DAB1: variants seen among roughly 807,000 people sequenced by gnomAD.
DAB1 encodes disabled homolog 1.
In DAB1, 15 loss-of-function variants were observed where a neutral mutation model predicts 64.6. The observed-to-expected ratio is 0.23, with a 90% CI of 0.16 to 0.36. DAB1 has a LOEUF of 0.36. Ranked by LOEUF, DAB1 falls within the 10% of genes least tolerant of loss-of-function variation. The pLI, the probability that DAB1 is intolerant of heterozygous loss-of-function variation, is 1.00. For synonymous variants in DAB1, 235 were observed against 251.9 expected, an observed-to-expected ratio of 0.93 and a Z score of 0.64; for missense variants, 596 against 706.7, an observed-to-expected ratio of 0.84 and a Z score of 1.78.
intron 1 of DAB1, among the ~76,000 whole-genome samples, chr1:57,299,147 G>C (rs901937933): frequency 1.3e-5 from 2 of 152,140 alleles, no homozygotes; most frequent in African/African-American, 4.8e-5. Context: ...TATGAACAAG[G>C]CATATTTTCT....
intron 4 of DAB1, among the ~76,000 whole-genome samples, chr1:58,301,644 C>A (rs1662172872): frequency 1.3e-5 from 2 of 152,096 alleles, no homozygotes. Context: ...ATCTTTAAGA[C>A]CTTAATTGTC....
Position 58,013,688 on chromosome 1 carries a change from G to A in DAB1, n.388-129526C>T, listed in dbSNP as rs148936743. Among the ~76,000 whole-genome samples, 568 of 152,162 alleles carry A rather than the reference G, an allele frequency of 3.7e-3. 2 individuals are homozygous for A. Among genetic ancestry groups the A allele is most frequent in the Non-Finnish European group, 5.8e-3 (392 of 68,010 alleles). On this transcript the variant is annotated intron_variant and non_coding_transcript_variant, in intron 5 of 20. Transcript: ENST00000485760. The stretch of plus-strand genomic sequence containing the variant: ...TGGTCCCATTGCATCCATTTTACTT[G>A]AATAATATGAATAATAACCAGTGGT...
chr1:57,087,080 C>T (rs993385283), intron 4 of DAB1, among the ~76,000 whole-genome samples: 1 of 152,142 alleles, frequency 6.6e-6, no homozygotes, highest in African/African-American at 2.4e-5. Context: ...CAGCAAGAAC[C>T]CTGGGCACAG....
chr1:57,349,377 C>T (rs1390537553), intron 1 of DAB1, among the ~76,000 whole-genome samples: 1 of 151,946 alleles, frequency 6.6e-6, no homozygotes, highest in Non-Finnish European at 1.5e-5. Flanking sequence ...GTGGCAGGGT[C>T]CTTAGCACCC....
chr1:57,547,335 A>G (rs1644867526), intron 7 of DAB1, among the ~76,000 whole-genome samples: 1 of 152,208 alleles, frequency 6.6e-6, no homozygotes, highest in South Asian at 2.1e-4. Context: ...TCTTTAAAAG[A>G]GTACCTAAAA....
intron 1 of DAB1, among the ~76,000 whole-genome samples, chr1:57,338,135 C>T (rs1000749438): frequency 2.6e-5 from 4 of 152,074 alleles, no homozygotes; most frequent in African/African-American, 9.7e-5. Flanking sequence ...TAGGCACACA[C>T]CACCACACCT....
At chr1:58,439,360 T>A (rs1253148001) in intron 3 of DAB1, among the ~76,000 whole-genome samples, 1 of 152,166 alleles carries the variant, frequency 6.6e-6, no homozygotes, top group Non-Finnish European at 1.5e-5. Context: ...CTTCTTGGTT[T>A]CATTGTTCAT....
chr1:57,827,167 CT>C (rs1039728644), intron 1 of DAB1, among the ~76,000 whole-genome samples: 2 of 152,098 alleles, frequency 1.3e-5, no homozygotes, highest in Non-Finnish European at 2.9e-5. Flanking sequence ...TTTTGATTCC[CT>C]TTTTTTATTT....
At chr1:57,516,437 A>G (rs765812898) in intron 7 of DAB1, among the ~76,000 whole-genome samples, 11 of 152,216 alleles carry the variant, frequency 7.2e-5, no homozygotes, top group Non-Finnish European at 1.6e-4. Flanking sequence ...AGGAATGTGT[A>G]TTTACACCCC....
chr1:57,538,983 G>A (rs543942348), intron 7 of DAB1, among the ~76,000 whole-genome samples: 2 of 152,306 alleles, frequency 1.3e-5, no homozygotes, highest in South Asian at 4.1e-4. Flanking sequence ...CTTCAAAATT[G>A]CAGCCTTAGC....
At chr1:57,167,364 T>C (rs1408995747) in intron 2 of DAB1, among the ~76,000 whole-genome samples, 1 of 152,178 alleles carries the variant, frequency 6.6e-6, no homozygotes, top group Non-Finnish European at 1.5e-5. Flanking sequence ...AACTGGACAC[T>C]TTACTGCCCC....
At chr1:57,104,221 T>C (rs1654940982) in intron 4 of DAB1, among the ~76,000 whole-genome samples, 2 of 152,154 alleles carry the variant, frequency 1.3e-5, no homozygotes, top group South Asian at 4.1e-4. Flanking sequence ...CATCCAAGTG[T>C]GTTCTCAATT....
At chr1:58,012,082 C>G (rs546527541) in intron 5 of DAB1, among the ~76,000 whole-genome samples, 5 of 152,150 alleles carry the variant, frequency 3.3e-5, no homozygotes, top group African/African-American at 1.2e-4. Flanking sequence ...GTATAGTGAC[C>G]ATGAAATACA....
chr1:57,754,982 T>C (rs533847852), intron 6 of DAB1, among the ~76,000 whole-genome samples: 5 of 151,430 alleles, frequency 3.3e-5, no homozygotes, highest in Admixed American at 6.7e-5. Context: ...GTTCCCTGAA[T>C]GACCAGTTTA....
chr1:57,451,846 A>T (rs1191076156), intron 7 of DAB1, among the ~76,000 whole-genome samples: 6 of 152,156 alleles, frequency 3.9e-5, no homozygotes, highest in Admixed American at 1.3e-4. Context: ...CTGAGCTATC[A>T]CTTTACCTTG....
At chr1:58,132,821 AAGT>A (rs1334244161) in intron 5 of DAB1, among the ~76,000 whole-genome samples, 1 of 152,152 alleles carries the variant, frequency 6.6e-6, no homozygotes, top group Non-Finnish European at 1.5e-5. Context: ...TAGGAGACTG[AAGT>A]AGTAGGTCGC....
intron 2 of DAB1, among the ~76,000 whole-genome samples, chr1:57,273,668 A>G (rs1447873995): frequency 7.6e-6 from 1 of 131,762 alleles, no homozygotes; most frequent in Non-Finnish European, 1.6e-5. Context: ...CACTCGAGTC[A>G]AACATGCATT....
intron 2 of DAB1, among the ~76,000 whole-genome samples, chr1:58,515,894 G>A (rs1301829378): frequency 6.6e-6 from 1 of 152,164 alleles, no homozygotes; most frequent in Non-Finnish European, 1.5e-5. Flanking sequence ...AAAAGTCTAT[G>A]ATTCTACAAG....
At chr1:58,195,632 T>C (rs1016598406) in intron 4 of DAB1, among the ~76,000 whole-genome samples, 1 of 152,220 alleles carries the variant, frequency 6.6e-6, no homozygotes, top group Non-Finnish European at 1.5e-5. Context: ...TACTCATCTA[T>C]TCAACAATAT....
Sources: allele counts gnomAD v4.1 joint callset (sites outside exome capture counted in the v4.1 genomes callset), GRCh38; gene constraint gnomAD v4.1.1; transcripts MANE v1.5; gene names NCBI Gene and HGNC (gene_info 2026-07-23, HGNC 2026-07-21).